The following RHBDL2 variants were observed in gnomAD, a reference collection of about 807,000 sequenced individuals.
The protein encoded by RHBDL2 is rhomboid-related protein 2.
In RHBDL2, 26 loss-of-function variants were observed where a neutral mutation model predicts 31.7. That is an observed-to-expected ratio of 0.82 (90% confidence interval 0.60 to 1.14). The LOEUF (loss-of-function observed/expected upper bound fraction) is 1.14, where lower values mean the gene tolerates loss of function less well. RHBDL2 is among the 50% of genes most tolerant of loss of function. The pLI is 0.00. For missense variants in RHBDL2, 336 were observed against 364.4 expected, an observed-to-expected ratio of 0.92 and a Z score of 0.63; for synonymous variants, 123 against 127.2, an observed-to-expected ratio of 0.97 and a Z score of 0.22.
chr1:38,893,295 T>G (rs777575082), intron 5 of RHBDL2, 71 bp from the exon 6 acceptor site: 27 of 683,282 alleles, frequency 4.0e-5, no homozygotes, highest in Non-Finnish European at 6.9e-5. Context: ...TACTCCCTCT[T>G]CATCTGCTCT....
chr1:38,920,020 T>C (rs1373953325), intron 1 of RHBDL2, among the ~76,000 whole-genome samples: 1 of 152,158 alleles, frequency 6.6e-6, no homozygotes, highest in African/African-American at 2.4e-5. Context: ...CCTATTCTCC[T>C]CTTACCACAG....
intron 1 of RHBDL2, among the ~76,000 whole-genome samples, chr1:38,940,074 C>T (rs1279211501): frequency 6.6e-6 from 1 of 152,204 alleles, no homozygotes; most frequent in Non-Finnish European, 1.5e-5. Flanking sequence ...GGATCCATTA[C>T]TTATTAGCCA....
intron 4 of RHBDL2, among the ~76,000 whole-genome samples, chr1:38,899,746 A>G (rs1210452484): frequency 1.3e-5 from 2 of 152,248 alleles, no homozygotes; most frequent in Admixed American, 1.3e-4. Context: ...ACCTGCCAAC[A>G]GCCGAGAGCT....
intron 4 of RHBDL2, among the ~76,000 whole-genome samples, chr1:38,909,960 T>C (rs1223787554): frequency 7.2e-5 from 11 of 152,060 alleles, no homozygotes; most frequent in African/African-American, 2.7e-4. Flanking sequence ...TAACCTTCAA[T>C]GAGTGAATGG....
chr1:38,939,364 C>T lies in RHBDL2; in HGVS notation c.-126+2318G>A, dbSNP rs535494274. The stretch of plus-strand genomic sequence containing the variant: ...CAAATGATCCTCCCATCTCAGCCTA[C>T]AAAGTAGCTGAGATGGGCCAGGCAT... On this transcript the variant is annotated intron_variant, in intron 1 of 7. Transcript: ENST00000372990. Among the ~76,000 whole-genome samples the T allele has an allele frequency of 5.3e-5, 8 of 152,260 alleles. 1 individual carries two copies. The South Asian group carries it at 1.5e-3, about 28-fold the overall frequency.
At chr1:38,886,808 A>G in intron 7 of RHBDL2, 125 bp from the exon 8 acceptor site, 1 of 672,198 alleles carries the variant, frequency 1.5e-6, no homozygotes, top group Non-Finnish European at 2.2e-6. Context: ...AGGTCTAGAG[A>G]ACTAGGGGTA....
intron 4 of RHBDL2, among the ~76,000 whole-genome samples, chr1:38,899,292 AG>A (rs899672524): frequency 2.6e-5 from 4 of 152,176 alleles, no homozygotes; most frequent in Admixed American, 1.3e-4. Flanking sequence ...CGACAACCAG[AG>A]GGGGGCCAGG....
At chr1:38,886,757 A>C in intron 7 of RHBDL2, 74 bp from the exon 8 acceptor site, 1 of 1,214,514 alleles carries the variant, frequency 8.2e-7, no homozygotes, top group Admixed American at 2.6e-5. Flanking sequence ...CATCTCTCTT[A>C]TTCAAACACA....
intron 1 of RHBDL2, chr1:38,929,440 C>A (rs1643415852): frequency 1.6e-6 from 2 of 1,289,366 alleles, no homozygotes; most frequent in South Asian, 2.5e-5. Flanking sequence ...AAGGCCAACA[C>A]CCTTATGACA....
chr1:38,895,426 A>G (rs776989617), intron 5 of RHBDL2, among the ~76,000 whole-genome samples: 2 of 152,206 alleles, frequency 1.3e-5, no homozygotes, highest in African/African-American at 2.4e-5. Flanking sequence ...AACAGATACT[A>G]TATTGAGGAC....
intron 1 of RHBDL2, among the ~76,000 whole-genome samples, chr1:38,931,869 A>G (rs778523685): frequency 5.3e-5 from 8 of 152,202 alleles, no homozygotes; most frequent in Non-Finnish European, 1.0e-4. Context: ...CCAGAAGCCA[A>G]GGATGGTAGA....
intron 1 of RHBDL2, among the ~76,000 whole-genome samples, chr1:38,919,763 A>G (rs1047856019): frequency 1.7e-4 from 26 of 152,132 alleles, no homozygotes; most frequent in Admixed American, 5.2e-4. Flanking sequence ...TAGTAGAGAC[A>G]GGGTTTCACC....
intron 6 of RHBDL2, 138 bp from the exon 7 acceptor site, chr1:38,888,162 A>G (rs1642810078): frequency 3.3e-6 from 2 of 598,660 alleles, no homozygotes; most frequent in Non-Finnish European, 6.0e-6. Flanking sequence ...TTTCTAAGAG[A>G]TCTTTTAACT....
intron 7 of RHBDL2, 29 bp from the exon 8 acceptor site, chr1:38,886,712 TAAGTG>T (rs778495386): frequency 2.0e-6 from 3 of 1,507,394 alleles, no homozygotes; most frequent in Non-Finnish European, 2.7e-6. Context: ...AAAATGGAAA[TAAGTG>T]AAGACAATGC....
chr1:38,911,110 T>C (rs56370500), intron 4 of RHBDL2, among the ~76,000 whole-genome samples: 3,472 of 152,140 alleles, frequency 0.023, 136 homozygotes, highest in African/African-American at 0.077. Context: ...CTGTCTTGAG[T>C]GTGAGATACC....
At chr1:38,912,984 AT>A (rs1424949758) in intron 3 of RHBDL2, among the ~76,000 whole-genome samples, 101 of 19,038 alleles carry the variant, frequency 5.3e-3, no homozygotes, top group East Asian at 0.031. Context: ...GTGTGTGTGT[AT>A]TTTTTTTTTT....
chr1:38,912,910 A>ATATATATATATATGTG (rs1399583863), intron 3 of RHBDL2, among the ~76,000 whole-genome samples: 26 of 41,360 alleles, frequency 6.3e-4, no homozygotes, highest in African/African-American at 2.3e-3. Flanking sequence ...ATATATATAT[A>ATATATATATATATGTG]TGTGTGTGTG....
intron 1 of RHBDL2, among the ~76,000 whole-genome samples, chr1:38,939,451 C>G (rs541694463): frequency 6.6e-6 from 1 of 152,084 alleles, no homozygotes; most frequent in African/African-American, 2.4e-5. Flanking sequence ...CACTCGAGTC[C>G]AGGAGTTCAA....
At chr1:38,924,756 AT>A (rs1643354938) in intron 1 of RHBDL2, among the ~76,000 whole-genome samples, 1 of 149,852 alleles carries the variant, frequency 6.7e-6, no homozygotes, top group African/African-American at 2.5e-5. Flanking sequence ...TAAAAAAAAA[AT>A]CTGTTGAAAA....
Sources: gnomAD v4.1 joint callset for allele counts (sites outside exome capture counted in the v4.1 genomes callset) on GRCh38, gnomAD v4.1.1 for gene constraint, MANE v1.5 for transcripts, NCBI Gene and HGNC (gene_info 2026-07-23, HGNC 2026-07-21) for gene names.